Variants in GPM6A observed in about 807,000 individuals in gnomAD.
GPM6A encodes the protein neuronal membrane glycoprotein M6-a.
A neutral mutation model predicts 32.1 loss-of-function variants in GPM6A; 7 were observed. The ratio of observed to expected loss-of-function variants is 0.22; its 90% confidence interval spans 0.12 to 0.41. GPM6A has a LOEUF of 0.41. GPM6A is among the 10% of genes least tolerant of loss of function. The pLI, the probability that GPM6A is intolerant of heterozygous loss-of-function variation, is 1.00. For missense variants in GPM6A, 235 were observed against 347.2 expected, an observed-to-expected ratio of 0.68 and a Z score of 2.57; for synonymous variants, 130 against 123.4, an observed-to-expected ratio of 1.05 and a Z score of -0.35.
chr4:175,955,807 G>A (rs1739967231), intron 1 of GPM6A, among the ~76,000 whole-genome samples: 2 of 152,152 alleles, frequency 1.3e-5, no homozygotes, highest in African/African-American at 2.4e-5. Flanking sequence ...TCTAGATCCA[G>A]TGTTGTATGA....
chr4:175,976,202 CAGGCTGGAGTGCAGCTGCAAGCTGCACT>C, intron 1 of GPM6A, among the ~76,000 whole-genome samples: 1 of 150,756 alleles, frequency 6.6e-6, no homozygotes, highest in Admixed American at 6.6e-5. Context: ...CTGTGTCGCC[CAGGCTGGAGTGCAGCTGCAAGCTGCACT>C]CGGCTCACTG....
chr4:175,973,218 G>C (rs966741215), intron 1 of GPM6A, among the ~76,000 whole-genome samples: 1 of 152,144 alleles, frequency 6.6e-6, no homozygotes, highest in East Asian at 1.9e-4. Flanking sequence ...GTCTACTCTA[G>C]GTCTTCAAAC....
At chr4:175,893,954 C>T (rs1737720358) in intron 1 of GPM6A, among the ~76,000 whole-genome samples, 1 of 152,100 alleles carries the variant, frequency 6.6e-6, no homozygotes, top group Admixed American at 6.6e-5. Flanking sequence ...CTGCACACCT[C>T]ACATTCTATC....
At chr4:175,993,583 C>T (rs573864596) in intron 1 of GPM6A, among the ~76,000 whole-genome samples, 47 of 152,280 alleles carry the variant, frequency 3.1e-4, no homozygotes, top group African/African-American at 1.1e-3. Flanking sequence ...TGCCTTCTTT[C>T]CTGTCTCCTG....
chr4:175,886,327 A>G (rs1332841954), intron 1 of GPM6A, among the ~76,000 whole-genome samples: 1 of 152,224 alleles, frequency 6.6e-6, no homozygotes, highest in African/African-American at 2.4e-5. Context: ...CAAAGCAGCA[A>G]TGTAATCCAA....
At chr4:175,693,000 ATTTG>A (rs889660505) in intron 2 of GPM6A, among the ~76,000 whole-genome samples, 1 of 151,958 alleles carries the variant, frequency 6.6e-6, no homozygotes, top group Admixed American at 6.6e-5. Flanking sequence ...AATTCCCTGT[ATTTG>A]TTTAGCTTGA....
intron 1 of GPM6A, among the ~76,000 whole-genome samples, chr4:175,926,243 C>G (rs1167007662): frequency 6.6e-6 from 1 of 152,066 alleles, no homozygotes; most frequent in Non-Finnish European, 1.5e-5. Flanking sequence ...AATGTTTATT[C>G]AAAGTATCCA....
chr4:175,769,974 C>T (rs577687865), intron 1 of GPM6A, among the ~76,000 whole-genome samples: 4 of 152,094 alleles, frequency 2.6e-5, no homozygotes, highest in South Asian at 2.1e-4. Flanking sequence ...TATTTTTGCA[C>T]GTTTGACCTA....
chr4:175,755,886 G>T (rs554859752), intron 1 of GPM6A, among the ~76,000 whole-genome samples: 1 of 152,302 alleles, frequency 6.6e-6, no homozygotes, highest in African/African-American at 2.4e-5. Flanking sequence ...GATTTGGAAA[G>T]AGTAAGTCAT....
At chr4:175,732,049 C>A (rs902506239) in intron 1 of GPM6A, among the ~76,000 whole-genome samples, 1 of 145,152 alleles carries the variant, frequency 6.9e-6, no homozygotes, top group Non-Finnish European at 1.5e-5. Context: ...TTACTGCAAA[C>A]TCTGCCTCCT....
chr4:175,871,800 A>AT (rs1736919765), intron 1 of GPM6A, among the ~76,000 whole-genome samples: 1 of 152,160 alleles, frequency 6.6e-6, no homozygotes, highest in South Asian at 2.1e-4. Context: ...TCTAGTGACC[A>AT]TTTTGTATGA....
At chr4:175,921,853 A>G (rs925830160) in intron 1 of GPM6A, among the ~76,000 whole-genome samples, 31 of 152,188 alleles carry the variant, frequency 2.0e-4, no homozygotes, top group African/African-American at 7.5e-4. Context: ...AACACAAATT[A>G]TATTAGCCTT....
At chr4:175,705,534 G>A (rs1417545377) in intron 1 of GPM6A, among the ~76,000 whole-genome samples, 1 of 152,150 alleles carries the variant, frequency 6.6e-6, no homozygotes, top group Non-Finnish European at 1.5e-5. Flanking sequence ...TGGGGAAGCA[G>A]CGCATTATTT....
chr4:175,773,510 T>C (rs1241022629), intron 1 of GPM6A, among the ~76,000 whole-genome samples: 2 of 152,178 alleles, frequency 1.3e-5, no homozygotes, highest in Non-Finnish European at 2.9e-5. Context: ...AAGATAAATA[T>C]TGATTTTCTA....
chr4:175,691,828 T>A (rs1196437360), intron 2 of GPM6A, among the ~76,000 whole-genome samples: 3 of 152,220 alleles, frequency 2.0e-5, no homozygotes, highest in African/African-American at 4.8e-5. Context: ...AGCCCCATTG[T>A]AATCACAAGA....
At chr4:175,721,251 G>A (rs1187389923) in intron 1 of GPM6A, among the ~76,000 whole-genome samples, 3 of 150,658 alleles carry the variant, frequency 2.0e-5, no homozygotes, top group Middle Eastern at 3.5e-3. Context: ...CAAAGTGGGC[G>A]GATCATCTGA....
intron 3 of GPM6A, among the ~76,000 whole-genome samples, chr4:175,659,643 C>T (rs936243678): frequency 1.3e-5 from 2 of 152,180 alleles, no homozygotes; most frequent in African/African-American, 2.4e-5. Flanking sequence ...GGCAAGCACA[C>T]TCTTGATAAG....
At chr4:175,990,356 C>T (rs1009418850) in intron 1 of GPM6A, among the ~76,000 whole-genome samples, 1 of 152,252 alleles carries the variant, frequency 6.6e-6, no homozygotes, top group African/African-American at 2.4e-5. Context: ...CAGCCTCCAT[C>T]GATGTCCTCC....
intron 1 of GPM6A, among the ~76,000 whole-genome samples, chr4:175,717,951 CA>C (rs1418343225): frequency 6.6e-6 from 1 of 152,096 alleles, no homozygotes; most frequent in African/African-American, 2.4e-5. Context: ...TAACTTTAAA[CA>C]GTATATAAAA....
Sources: allele counts gnomAD v4.1 joint callset (sites outside exome capture counted in the v4.1 genomes callset), GRCh38; gene constraint gnomAD v4.1.1; transcripts MANE v1.5; gene names NCBI Gene and HGNC (gene_info 2026-07-23, HGNC 2026-07-21).